MAP1LC3B2: variants seen among roughly 807,000 people sequenced by gnomAD.
The protein encoded by MAP1LC3B2 is microtubule associated protein 1 light chain 3 beta 2, also known as microtubule-associated protein 1 light chain 3 beta 2.
For synonymous variants in MAP1LC3B2, 62 were observed against 57.8 expected, an observed-to-expected ratio of 1.07 and a Z score of -0.33; for missense variants, 155 against 154.6, an observed-to-expected ratio of 1.00 and a Z score of -0.01.
chr12:116,569,357 G>A (rs1343885332), intron 1 of MAP1LC3B2, among the ~76,000 whole-genome samples: 1 of 152,128 alleles, frequency 6.6e-6, no homozygotes, highest in African/African-American at 2.4e-5. Flanking sequence ...CTGTCTCTAT[G>A]TGGTCTTTCT....
chr12:116,571,330 A>G (rs1378709739), intron 1 of MAP1LC3B2, among the ~76,000 whole-genome samples: 2 of 152,178 alleles, frequency 1.3e-5, no homozygotes, highest in Admixed American at 6.5e-5. Context: ...AGCATTTGCC[A>G]GGTTTCTCTG....
At chr12:116,567,625 G>A (rs557126876) in intron 1 of MAP1LC3B2, among the ~76,000 whole-genome samples, 2 of 151,948 alleles carry the variant, frequency 1.3e-5, no homozygotes, top group Non-Finnish European at 2.9e-5. Flanking sequence ...GCACATGCCT[G>A]TAATCCCAGC....
chr12:116,575,667 C>G (rs1869653076), intron 1 of MAP1LC3B2, among the ~76,000 whole-genome samples, 175 bp from the exon 2 acceptor site: 1 of 152,150 alleles, frequency 6.6e-6, no homozygotes, highest in African/African-American at 2.4e-5. Context: ...AGTCTTGACT[C>G]TTCTCTAATA....
intron 1 of MAP1LC3B2, among the ~76,000 whole-genome samples, chr12:116,566,054 G>A (rs959619199): frequency 6.6e-6 from 1 of 152,112 alleles, no homozygotes; most frequent in Admixed American, 6.6e-5. Flanking sequence ...CATTTTATGA[G>A]CAACATCTAG....
intron 1 of MAP1LC3B2, among the ~76,000 whole-genome samples, chr12:116,571,703 G>T (rs1047543444): frequency 1.3e-5 from 2 of 151,296 alleles, no homozygotes; most frequent in South Asian, 2.1e-4. Context: ...GGATGGTCTC[G>T]ATCTCCTAAC....
chr12:116,570,690 G>A (rs1337279838), intron 1 of MAP1LC3B2, among the ~76,000 whole-genome samples: 1 of 152,144 alleles, frequency 6.6e-6, no homozygotes, highest in Non-Finnish European at 1.5e-5. Flanking sequence ...ATGATTGTGA[G>A]GCCTCCCCAG....
chr12:116,572,155 C>T (rs1206881295), intron 1 of MAP1LC3B2, among the ~76,000 whole-genome samples: 1 of 152,154 alleles, frequency 6.6e-6, no homozygotes, highest in Non-Finnish European at 1.5e-5. Flanking sequence ...TCGACACTTG[C>T]TCAGGCCAAT....
chr12:116,575,596 T>C (rs12227287), intron 1 of MAP1LC3B2, among the ~76,000 whole-genome samples: 58,104 of 152,004 alleles, frequency 0.38, 13,076 homozygotes, highest in Non-Finnish European at 0.51. Flanking sequence ...GCACCCCAGT[T>C]AGGCATAGAG....
rs184983344 is a variant in MAP1LC3B2 at position 116,575,765 on chromosome 12, T to C, written c.-101-77T>C. The C allele has an allele frequency of 7.3e-5, 49 of 669,570 alleles. No homozygotes were observed. The African/African-American group carries it at 7.6e-4, about 10-fold the overall frequency. The allele number at this position is 669,570 out of a possible 1,614,324, so 41.5% of individuals were successfully genotyped here. A position where few individuals can be genotyped will look rare whatever the true frequency, so the allele number is the denominator to read the frequency against. On this transcript the variant is annotated intron_variant, in intron 1 of 1. Transcript: ENST00000556529. ...TTTCTGTAAAAGAACAGATAGTAAA[T>C]ATATGATGGTGTGTGGCTGTAACAT...
At chr12:116,564,651 A>G (rs1451928886) in intron 1 of MAP1LC3B2, among the ~76,000 whole-genome samples, 1 of 152,172 alleles carries the variant, frequency 6.6e-6, no homozygotes, top group Admixed American at 6.5e-5. Context: ...ATTTTACCCA[A>G]TATCTGAGCA....
At chr12:116,567,611 G>A (rs1869422732) in intron 1 of MAP1LC3B2, among the ~76,000 whole-genome samples, 2 of 151,944 alleles carry the variant, frequency 1.3e-5, no homozygotes, top group Admixed American at 6.6e-5. Flanking sequence ...AGCCAGGTGT[G>A]GTGGCACATG....
At chr12:116,569,756 TTAAAA>T (rs1234687833) in intron 1 of MAP1LC3B2, among the ~76,000 whole-genome samples, 2 of 151,890 alleles carry the variant, frequency 1.3e-5, no homozygotes, top group African/African-American at 4.8e-5. Context: ...AGGAAAAATG[TTAAAA>T]TAAAAGATAA....
intron 1 of MAP1LC3B2, among the ~76,000 whole-genome samples, chr12:116,572,789 A>G (rs11068087): frequency 0.4 from 60,172 of 151,940 alleles, 13,397 homozygotes; most frequent in Non-Finnish European, 0.51. Flanking sequence ...ACATAGAAGG[A>G]CTGCAGAGTC....
At chr12:116,564,464 G>C (rs1310558121) in intron 1 of MAP1LC3B2, among the ~76,000 whole-genome samples, 5 of 151,956 alleles carry the variant, frequency 3.3e-5, no homozygotes, top group Admixed American at 3.3e-4. Flanking sequence ...TCTAAAGCTG[G>C]CTTAGGCCTA....
intron 1 of MAP1LC3B2, among the ~76,000 whole-genome samples, chr12:116,566,485 G>A (rs1869387282): frequency 6.6e-6 from 1 of 152,066 alleles, no homozygotes; most frequent in South Asian, 2.1e-4. Flanking sequence ...ATGTGTGTGT[G>A]TGTGTAACCT....
chr12:116,576,271 A>G lies in MAP1LC3B2; in HGVS notation c.329A>G (p.Tyr110Cys), dbSNP rs1052534241. The G allele has an allele frequency of 1.1e-5, 18 of 1,614,064 alleles. No homozygotes were observed. The highest frequency in any genetic ancestry group is 2.2e-5 in the East Asian group (1 of 44,904). ...ESEKDEDGFLYMVCASQETFG... is the reference protein window; with the variant it reads ...ESEKDEDGFLCMVCASQETFG... ...GAGAAAGATGAAGATGGATTCCTGT[A>G]CATGGTCTGTGCCTCCCAGGAGACG... Residue 110 changes from tyrosine (Y) to cysteine (C), a missense_variant, in exon 2 of 2, where the codon TAC becomes TGC. Coordinates refer to ENST00000556529, the MANE Select transcript of MAP1LC3B2 (RefSeq NM_001085481.3).
chr12:116,574,256 A>AG (rs1869614284), intron 1 of MAP1LC3B2, among the ~76,000 whole-genome samples: 1 of 151,924 alleles, frequency 6.6e-6, no homozygotes, highest in South Asian at 2.1e-4. Context: ...GTTAAAAAAA[A>AG]AAACCTGGAA....
Position 116,575,892 on chromosome 12 carries a change from G to A in MAP1LC3B2, c.-51G>A, listed in dbSNP as rs1453619602. 1 of 1,610,564 alleles carries A rather than the reference G, an allele frequency of 6.2e-7. No individual in the cohort carries two copies. Among genetic ancestry groups the A allele is most frequent in the Non-Finnish European group, 8.5e-7 (1 of 1,177,860 alleles). ...CTGCCGCAGCAGCCGCCACCCCCAG[G>A]AGCCGCCGGGACCCTCGCGTCGTCG... On this transcript the variant is annotated 5_prime_UTR_variant, in exon 2 of 2. Coordinates refer to ENST00000556529, the MANE Select transcript of MAP1LC3B2 (RefSeq NM_001085481.3).
chr12:116,559,590 G>C (rs1869198125), intron 1 of MAP1LC3B2, among the ~76,000 whole-genome samples, 157 bp downstream of exon 1: 2 of 152,354 alleles, frequency 1.3e-5, no homozygotes, highest in South Asian at 4.1e-4. Flanking sequence ...GCTTTCACTA[G>C]TCAGACCTGT....
Sources: gnomAD v4.1 joint callset for allele counts (sites outside exome capture counted in the v4.1 genomes callset) on GRCh38, gnomAD v4.1.1 for gene constraint, MANE v1.5 for transcripts, NCBI Gene and HGNC (gene_info 2026-07-23, HGNC 2026-07-21) for gene names.